MAP3K20: variants seen among roughly 807,000 people sequenced by gnomAD.
MAP3K20 encodes the protein mitogen-activated protein kinase kinase kinase 20.
In MAP3K20, 40 loss-of-function variants were observed where a neutral mutation model predicts 85.7. The ratio of observed to expected loss-of-function variants is 0.47; its 90% CI spans 0.36 to 0.61. The LOEUF (loss-of-function observed/expected upper bound fraction) is 0.61. Ranked by LOEUF, MAP3K20 falls within the 20% of genes least tolerant of loss-of-function variation. The probability of loss-of-function intolerance (pLI) is 0.00; values close to 1 mark genes in which losing one functional copy is unlikely to be tolerated. For missense variants in MAP3K20, 817 were observed against 961.7 expected (o/e 0.85, Z 1.99); for synonymous variants, 325 against 327.7 (o/e 0.99, Z 0.09).
At chr2:173,238,045 G>A (rs896088181) in intron 14 of MAP3K20, among the ~76,000 whole-genome samples, 1 of 152,130 alleles carries the variant, frequency 6.6e-6, no homozygotes, top group Non-Finnish European at 1.5e-5. Flanking sequence ...CAGCCACCTG[G>A]GAGGCTGAGA....
chr2:173,166,621 TAC>T (rs1394410014), intron 2 of MAP3K20: 4 of 144,318 alleles, frequency 2.8e-5, no homozygotes, highest in East Asian at 3.9e-4. Flanking sequence ...ATAAAATCAA[TAC>T]AGTTTAAATT....
intron 2 of MAP3K20, among the ~76,000 whole-genome samples, chr2:173,099,750 C>T (rs766443935): frequency 2.6e-5 from 4 of 152,112 alleles, no homozygotes; most frequent in African/African-American, 7.2e-5. Flanking sequence ...CTAATTTGAC[C>T]GATGGTTAAA....
intron 2 of MAP3K20, among the ~76,000 whole-genome samples, chr2:173,130,740 C>G (rs781663857): frequency 6.6e-6 from 1 of 152,134 alleles, no homozygotes; most frequent in Non-Finnish European, 1.5e-5. Context: ...CTATATGGAA[C>G]AGACTTTGCG....
chr2:173,149,105 T>C (rs1457364328), intron 2 of MAP3K20, among the ~76,000 whole-genome samples: 1 of 152,274 alleles, frequency 6.6e-6, no homozygotes, highest in African/African-American at 2.4e-5. Flanking sequence ...ATGATAGTGC[T>C]GAAATCAATA....
chr2:173,195,325 A>G (rs532135331), intron 7 of MAP3K20, among the ~76,000 whole-genome samples: 1 of 152,286 alleles, frequency 6.6e-6, no homozygotes, highest in South Asian at 2.1e-4. Context: ...GTCTGTGAGC[A>G]CTGTTCCAGA....
chr2:173,237,159 T>C (rs1684673818), intron 14 of MAP3K20, among the ~76,000 whole-genome samples: 1 of 151,174 alleles, frequency 6.6e-6, no homozygotes, highest in Non-Finnish European at 1.5e-5. Flanking sequence ...CCTGAGTAGC[T>C]GGAATTATAG....
At chr2:173,214,100 G>A (rs1030567575) in intron 10 of MAP3K20, among the ~76,000 whole-genome samples, 3 of 152,204 alleles carry the variant, frequency 2.0e-5, no homozygotes, top group Non-Finnish European at 4.4e-5. Flanking sequence ...CAGACCAGAT[G>A]CAACTTGTAT....
intron 1 of MAP3K20, among the ~76,000 whole-genome samples, chr2:173,086,124 A>G (rs1026738289): frequency 1.3e-4 from 20 of 152,248 alleles, no homozygotes; most frequent in Non-Finnish European, 2.4e-4. Context: ...CAGTGAGATG[A>G]AAACGTTGGA....
chr2:173,174,392 G>A (rs1239332988), intron 3 of MAP3K20, among the ~76,000 whole-genome samples: 13 of 152,084 alleles, frequency 8.5e-5, no homozygotes, highest in African/African-American at 3.1e-4. Context: ...GGTGTGTGAT[G>A]TTCCCCTCCC....
intron 2 of MAP3K20, among the ~76,000 whole-genome samples, chr2:173,128,923 T>TC (rs1483732173): frequency 6.9e-6 from 1 of 144,772 alleles, no homozygotes; most frequent in East Asian, 2.0e-4. Context: ...AATCTTTTCT[T>TC]TTTTTTTTTT....
intron 17 of MAP3K20, among the ~76,000 whole-genome samples, chr2:173,259,884 C>T (rs1685247980): frequency 6.6e-6 from 1 of 152,194 alleles, no homozygotes; most frequent in Non-Finnish European, 1.5e-5. Flanking sequence ...CCACCCATAC[C>T]ACGGAGTTGT....
At chr2:173,221,833 T>G (rs1294479907) in intron 11 of MAP3K20, 1 of 1,043,096 alleles carries the variant, frequency 9.6e-7, no homozygotes, top group Non-Finnish European at 1.2e-6. Flanking sequence ...TGGCTTTTTC[T>G]TTTAATGAAT....
At chr2:173,173,195 TG>T (rs1690056412) in intron 3 of MAP3K20, among the ~76,000 whole-genome samples, 1 of 94,532 alleles carries the variant, frequency 1.1e-5, no homozygotes, top group African/African-American at 3.0e-5. Flanking sequence ...TGTGTGTGTG[TG>T]TCTGTGTAAA....
chr2:173,263,417 T>C (rs1685339801), intron 18 of MAP3K20, among the ~76,000 whole-genome samples: 1 of 152,234 alleles, frequency 6.6e-6, no homozygotes, highest in South Asian at 2.1e-4. Flanking sequence ...TTGAGATTTG[T>C]CAAATATAAT....
At chr2:173,083,988 A>C (rs1371120885) in intron 1 of MAP3K20, among the ~76,000 whole-genome samples, 1 of 152,240 alleles carries the variant, frequency 6.6e-6, no homozygotes, top group African/African-American at 2.4e-5. Flanking sequence ...GGAAGGCTCT[A>C]AATTCAGAAA....
At chr2:173,187,754 C>T in intron 5 of MAP3K20, 131 bp downstream of exon 5, 1 of 645,604 alleles carries the variant, frequency 1.5e-6, no homozygotes, top group African/African-American at 1.9e-5. Context: ...CCATGGAAGC[C>T]TTTCTACTGT....
rs561394716 is a variant in MAP3K20, at chr2:173,075,979, G to T, written c.-58G>T. ...CGGGGCCTCCGCGCCCCCGGCTGCT[G>T]CTCACGCCCCGCCCGGGAGCCAGGT... On this transcript the variant is annotated 5_prime_UTR_variant, in exon 1 of 20. Coordinates refer to ENST00000375213, the MANE Select transcript of MAP3K20 (RefSeq NM_016653.3). 4.1e-6 allele frequency: 4 copies of T among 984,956 alleles called. No homozygotes were observed. In the South Asian group the frequency reaches 1.9e-4, roughly 46 times the overall value. The allele number at this position is 984,956 out of a possible 1,614,324, so 61.0% of individuals were successfully genotyped here. A position where few individuals can be genotyped will look rare whatever the true frequency, so the allele number is the denominator to read the frequency against.
At chr2:173,079,411 A>G (rs1297562294) in intron 1 of MAP3K20, among the ~76,000 whole-genome samples, 1 of 152,176 alleles carries the variant, frequency 6.6e-6, no homozygotes, top group Non-Finnish European at 1.5e-5. Context: ...ATCACTGTAC[A>G]CTACTGTAGA....
Position 173,266,329 on chromosome 2 carries a change from G to A in MAP3K20, c.1982G>A (p.Ser661Asn), listed in dbSNP as rs1685420864. Residue 661 changes from serine (S) to asparagine (N), a missense_variant, in exon 20 of 20, where the codon AGT (serine) becomes AAT (asparagine). Coordinates refer to ENST00000375213, the MANE Select transcript of MAP3K20 (RefSeq NM_016653.3). ...HLNSRDSGFS[S>N]GNTDTSSERG... ...AACTCTAGGGACAGTGGCTTTTCCA[G>A]TGGCAATACTGACACCTCTTCAGAG... The A allele has an allele frequency of 1.9e-6, 3 of 1,614,086 alleles. No homozygotes were observed. The highest frequency in any genetic ancestry group is 2.2e-5 in the East Asian group (1 of 44,882).
Sources: allele counts gnomAD v4.1 joint callset (sites outside exome capture counted in the v4.1 genomes callset), GRCh38; gene constraint gnomAD v4.1.1; transcripts MANE v1.5; gene names NCBI Gene and HGNC (gene_info 2026-07-23, HGNC 2026-07-21).